The following EEF1B2 variants were observed in gnomAD, a reference collection of about 807,000 sequenced individuals.
The protein encoded by EEF1B2 is eukaryotic translation elongation factor 1 beta 2.
In EEF1B2, 12 loss-of-function variants were observed where a neutral mutation model predicts 28.3. The ratio of observed to expected loss-of-function variants is 0.42; its 90% CI spans 0.27 to 0.69. The LOEUF is 0.69. Ranked by LOEUF, EEF1B2 falls within the 30% of genes least tolerant of loss-of-function variation. EEF1B2 has a pLI of 0.22. For missense variants in EEF1B2, 234 were observed against 272.6 expected (o/e 0.86, Z 1.00); for synonymous variants, 83 against 99.9 (o/e 0.83, Z 1.01).
At chr2:206,161,183 G>T in intron 2 of EEF1B2, 163 bp from the exon 3 acceptor site, 1 of 843,482 alleles carries the variant, frequency 1.2e-6, no homozygotes. Flanking sequence ...GTCGGGTGAG[G>T]AGTTGAACAT....
At chr2:206,161,502 G>A (rs773861855) in intron 3 of EEF1B2, 30 bp downstream of exon 3, 5 of 1,610,848 alleles carry the variant, frequency 3.1e-6, no homozygotes, top group Non-Finnish European at 3.4e-6. Context: ...GAACATATCG[G>A]CCAGGCGCAG....
At chr2:206,160,495 C>G in intron 1 of EEF1B2, 93 bp from the exon 2 acceptor site, 1 of 1,595,586 alleles carries the variant, frequency 6.3e-7, no homozygotes, top group Non-Finnish European at 8.5e-7. Context: ...GGGTTAGTGC[C>G]CACTAATTAA....
chr2:206,162,334 TG>T (rs763003764), intron 4 of EEF1B2, 154 bp from the exon 5 acceptor site: 18 of 1,280,736 alleles, frequency 1.4e-5, no homozygotes, highest in Non-Finnish European at 2.0e-5. Context: ...AAACAGAAAG[TG>T]GGTATATATG....
chr2:206,160,428 T>TA, intron 1 of EEF1B2, 160 bp from the exon 2 acceptor site: 1 of 1,311,434 alleles, frequency 7.6e-7, no homozygotes, highest in Non-Finnish European at 1.0e-6. Context: ...GACCCAAACA[T>TA]ATGGTTTGAT....
intron 2 of EEF1B2, chr2:206,161,061 C>A: frequency 1.7e-6 from 1 of 593,240 alleles, no homozygotes; most frequent in South Asian, 1.7e-5. Flanking sequence ...GACTCCAGTT[C>A]ACTAAGAATG....
chr2:206,160,525 A>T (rs1429955774), intron 1 of EEF1B2, 63 bp from the exon 2 acceptor site: 4 of 1,611,950 alleles, frequency 2.5e-6, no homozygotes, highest in Non-Finnish European at 3.4e-6. Flanking sequence ...TACGGTATTT[A>T]TTATTTATTC....
intron 1 of EEF1B2, 54 bp downstream of exon 1, chr2:206,160,113 G>C: frequency 6.3e-7 from 1 of 1,585,848 alleles, no homozygotes; most frequent in South Asian, 1.1e-5. Context: ...CCCGGGGCCG[G>C]GGCCACGTGG....
chr2:206,161,226 G>A, intron 2 of EEF1B2, 120 bp from the exon 3 acceptor site: 12 of 1,446,870 alleles, frequency 8.3e-6, no homozygotes, highest in Non-Finnish European at 1.1e-5. Flanking sequence ...ATGTGAAAGG[G>A]TAAATTATGA....
Position 206,161,489 on chromosome 2 carries a change from AAAG to A in EEF1B2, c.330+20_330+22del. The stretch of plus-strand genomic sequence containing the variant: ...GATGAGGAGGTATGGCGTCTTCTAT[AAAG>A]AACATATCGGCCAGGCGCAGTGGCT... On this transcript the variant is annotated intron_variant, in intron 3 of 5. Transcript: ENST00000392222. 1.2e-6 allele frequency: 2 copies of A among 1,613,082 alleles called. No homozygotes were observed. The highest frequency in any genetic ancestry group is 1.7e-6 in the Non-Finnish European group (2 of 1,179,426).
At chr2:206,160,391 G>A (rs1687880439) in intron 1 of EEF1B2, among the ~76,000 whole-genome samples, 197 bp from the exon 2 acceptor site, 1 of 152,190 alleles carries the variant, frequency 6.6e-6, no homozygotes, top group African/African-American at 2.4e-5. Context: ...TCTACTTAGT[G>A]GCAGACATTT....
Position 206,160,021 on chromosome 2 carries a change from G to A in EEF1B2, c.42G>A (p.Val14=). The change falls in exon 1 of 6, where the codon GTG becomes GTA. Residue 14 remains valine, a synonymous_variant. Coordinates refer to ENST00000392222, the MANE Select transcript of EEF1B2 (RefSeq NM_001959.4). ...GDLKSPAGLQ[V]LNDYLADKSY... is the part of the protein sequence containing the mutation. Reference sequence around the variant, plus strand: ...TGAAAAGCCCTGCCGGCCTCCAGGTGCTCAACGATTACCTGGCGGACAAGA... The same window carrying A: ...TGAAAAGCCCTGCCGGCCTCCAGGTACTCAACGATTACCTGGCGGACAAGA... The A allele has an allele frequency of 6.2e-7, 1 of 1,613,354 alleles. No individual in the cohort carries two copies. The highest frequency in any genetic ancestry group is 8.5e-7 in the Non-Finnish European group (1 of 1,179,772).
intron 4 of EEF1B2, 22 bp downstream of exon 4, chr2:206,162,126 T>C: frequency 6.2e-7 from 1 of 1,605,144 alleles, no homozygotes; most frequent in Non-Finnish European, 8.5e-7. Context: ...GTTTTTAACT[T>C]CATTTCATGT....
At position 206,162,492 on chromosome 2, in the gene EEF1B2, C is replaced by G. The variant is rs889571248; in HGVS notation, c.401C>G (p.Pro134Arg). The change falls in exon 5 of 6, where the codon CCT (proline) becomes CGT (arginine). Residue 134 changes from proline to arginine, a missense_variant. By Grantham distance (103) the Pro-to-Arg change is moderately radical (BLOSUM62 -2). This residue lies in a region of EEF1B2 where 178 missense variants were observed against 173.3 expected (regional missense o/e 1.03). Transcript: ENST00000392222. ...AQYESKKAKK[P>R]ALVAKSSILL... The stretch of plus-strand genomic sequence containing the variant: ...TAATGCTGTTTATTGTTTTTAGAAC[C>G]TGCACTTGTTGCCAAGTCTTCCATC... 6.2e-7 allele frequency: 1 copy of G among 1,612,380 alleles called. No homozygotes were observed. Among genetic ancestry groups the G allele is most frequent in the East Asian group, 2.2e-5 (1 of 44,884 alleles).
At chr2:206,160,519 G>T (rs1214432347) in intron 1 of EEF1B2, 69 bp from the exon 2 acceptor site, 1 of 1,611,002 alleles carries the variant, frequency 6.2e-7, no homozygotes, top group Non-Finnish European at 8.5e-7. Flanking sequence ...GATGCATACG[G>T]TATTTATTAT....
In EEF1B2 at chr2:206,162,523, A is replaced by G. The variant is rs564396403; in HGVS notation, c.432A>G (p.Leu144=). Residue 144 remains leucine, a synonymous_variant, in exon 5 of 6, where the codon CTA becomes CTG. Coordinates refer to ENST00000392222, the MANE Select transcript of EEF1B2 (RefSeq NM_001959.4). ...PALVAKSSIL[L]DVKPWDDETD... ...TTGTTGCCAAGTCTTCCATCTTACT[A>G]GATGTGAAACCTTGGGATGATGAGA... 1.7e-5 allele frequency: 28 copies of G among 1,613,354 alleles called. No homozygotes were observed. The South Asian group carries it at 3.0e-4, about 17-fold the overall frequency.
At chr2:206,162,366 T>A (rs2105787146) in intron 4 of EEF1B2, 123 bp from the exon 5 acceptor site, 10 of 1,460,492 alleles carry the variant, frequency 6.8e-6, no homozygotes, top group South Asian at 5.8e-5. Context: ...ACAAGATGTA[T>A]CTGTAGTTTT....
rs939582492 is a variant in EEF1B2, at chr2:206,159,905, C to T, written c.-75C>T. 6.5e-7 allele frequency: 1 copy of T among 1,539,422 alleles called. No homozygotes were observed. Among genetic ancestry groups the T allele is most frequent in the Non-Finnish European group, 8.8e-7 (1 of 1,140,060 alleles). Reference sequence around the variant, plus strand: ...CCGGTCTCTTCGGGTCCTTTTTCCTCTCTTCAGCGTGGGGCGCCCACAATT... The same window carrying T: ...CCGGTCTCTTCGGGTCCTTTTTCCTTTCTTCAGCGTGGGGCGCCCACAATT... On this transcript the variant is annotated 5_prime_UTR_variant, in exon 1 of 6. Transcript: ENST00000392222.
At position 206,161,250 on chromosome 2, in the gene EEF1B2, C is replaced by T. The variant is rs568777044; in HGVS notation, c.204-96C>T. On this transcript the variant is annotated intron_variant, in intron 2 of 5. Coordinates refer to ENST00000392222, the MANE Select transcript of EEF1B2 (RefSeq NM_001959.4). ...GGTAAATTATGATTGCAAAAGGGAT[C>T]TAGTGATAAGTAGTGATTAAAACAA... is the stretch of plus-strand genomic sequence containing the variant. The T allele has an allele frequency of 3.3e-6, 5 of 1,533,852 alleles. No individual in the cohort carries two copies. In the South Asian group the frequency reaches 6.2e-5, roughly 19 times the overall value.
chr2:206,162,172 A>ATAG, intron 4 of EEF1B2, 68 bp downstream of exon 4: 1 of 1,486,046 alleles, frequency 6.7e-7, no homozygotes, highest in Non-Finnish European at 9.4e-7. Flanking sequence ...TTGACCTTGA[A>ATAG]GTAATTTCCT....
Sources: gnomAD v4.1 joint callset for allele counts (sites outside exome capture counted in the v4.1 genomes callset) on GRCh38, gnomAD v4.1.1 for gene constraint, gnomAD v4.1.1 regional missense constraint, MANE v1.5 for transcripts, NCBI Gene and HGNC (gene_info 2026-07-23, HGNC 2026-07-21) for gene names.